Variants in EPHB2 observed in about 807,000 individuals in gnomAD.
EPHB2 encodes the protein ephrin type-B receptor 2.
Under a neutral mutation model 96.4 loss-of-function variants are expected in EPHB2, and 18 were observed. That is an observed-to-expected ratio of 0.19 (90% CI 0.13 to 0.28). The LOEUF (loss-of-function observed/expected upper bound fraction) is 0.28. Ranked by LOEUF, EPHB2 falls within the 10% of genes least tolerant of loss-of-function variation. The pLI, the probability that EPHB2 is intolerant of heterozygous loss-of-function variation, is 1.00. For synonymous variants in EPHB2, 506 were observed against 534.1 expected (o/e 0.95, Z 0.72); for missense variants, 989 against 1,355.4 (o/e 0.73, Z 4.25).
rs1640161438 is a variant in EPHB2, at chr1:22,913,119, G to A, written c.2853-343G>A. ...GAGGCAGGGGAATTGCTTGAACCAA[G>A]GAGGTAGAGGTTGCAGTGAGCTGAG... On this transcript the variant is annotated intron_variant, in intron 15 of 15. Transcript: ENST00000374630. The surrounding 1 kb of genome is among the most constrained non-coding windows in gnomAD (Gnocchi z 4.1). The A allele has an allele frequency of 1.0e-5, 4 of 386,288 alleles. No individual in the cohort carries two copies. The highest frequency in any genetic ancestry group is 2.0e-5 in the Non-Finnish European group (4 of 202,888). The allele number at this position is 386,288 out of a possible 1,614,324, so 23.9% of individuals were successfully genotyped here. A position where few individuals can be genotyped will look rare whatever the true frequency, so the allele number is the denominator to read the frequency against.
At chr1:22,731,833 C>T (rs977183836) in intron 1 of EPHB2, among the ~76,000 whole-genome samples, 2 of 152,218 alleles carry the variant, frequency 1.3e-5, no homozygotes, top group Admixed American at 6.5e-5. Context: ...GAGCAAGATT[C>T]CATCTCAAAC....
intron 6 of EPHB2, 65 bp downstream of exon 6, chr1:22,882,548 G>T: frequency 6.2e-7 from 1 of 1,605,808 alleles, no homozygotes; most frequent in Admixed American, 1.7e-5. Flanking sequence ...CCAGGCTGAG[G>T]CCTGGGAGTT....
rs185813300 is a variant in EPHB2 at position 22,880,284 on chromosome 1, C to G, written c.1304-2075C>G. On this transcript the variant is annotated intron_variant, in intron 5 of 15. Transcript: ENST00000374630. Reference sequence around the variant, plus strand: ...GCCTTCAAACCCCACAGCTGATGTTCAGGTTCCCCTGAACTCCTACCAGGC... The same window carrying G: ...GCCTTCAAACCCCACAGCTGATGTTGAGGTTCCCCTGAACTCCTACCAGGC... 6.1e-3 allele frequency among the ~76,000 whole-genome samples: 930 copies of G among 152,306 alleles called. 5 individuals carry two copies. Among genetic ancestry groups the G allele is most frequent in the African/African-American group, 0.02 (847 of 41,564 alleles).
chr1:22,739,681 A>T (rs1376643522), intron 1 of EPHB2, among the ~76,000 whole-genome samples: 3 of 152,230 alleles, frequency 2.0e-5, no homozygotes, highest in Non-Finnish European at 4.4e-5. Context: ...ATGGATGATC[A>T]GACCCATCCC....
At chr1:22,837,132 A>G (rs1459536004) in intron 3 of EPHB2, among the ~76,000 whole-genome samples, 2 of 152,176 alleles carry the variant, frequency 1.3e-5, no homozygotes, top group Non-Finnish European at 2.9e-5. Flanking sequence ...AACGTCAGGG[A>G]TGGGAGAGCT....
chr1:22,718,379 CTTTTTT>C (rs5773014), intron 1 of EPHB2, among the ~76,000 whole-genome samples: 1 of 81,466 alleles, frequency 1.2e-5, no homozygotes, highest in Non-Finnish European at 2.4e-5. Context: ...GCTGTCAATT[CTTTTTT>C]TTTTTTTTTT....
At chr1:22,821,933 A>G (rs1201488910) in intron 3 of EPHB2, among the ~76,000 whole-genome samples, 6 of 152,156 alleles carry the variant, frequency 3.9e-5, no homozygotes, top group African/African-American at 1.2e-4. Flanking sequence ...TCAGCATATG[A>G]GGCTCCGGTG....
At chr1:22,892,446 TGGGTCAATAG>T (rs1639418554) in intron 6 of EPHB2, among the ~76,000 whole-genome samples, 2 of 152,234 alleles carry the variant, frequency 1.3e-5, no homozygotes, top group Admixed American at 1.3e-4. Flanking sequence ...TTTATGTCTG[TGGGTCAATAG>T]GGGTGGCCCT....
chr1:22,726,313 G>A (rs1345527309), intron 1 of EPHB2, among the ~76,000 whole-genome samples: 1 of 151,592 alleles, frequency 6.6e-6, no homozygotes, highest in Non-Finnish European at 1.5e-5. Context: ...GATCATAGCA[G>A]CCTCCACCGT....
At chr1:22,891,876 C>G (rs1414746848) in intron 6 of EPHB2, among the ~76,000 whole-genome samples, 2 of 151,338 alleles carry the variant, frequency 1.3e-5, no homozygotes, top group Non-Finnish European at 2.9e-5. Flanking sequence ...CTTACTGTGG[C>G]CTTGACCTCC....
At chr1:22,881,177 G>A (rs1233929746) in intron 5 of EPHB2, among the ~76,000 whole-genome samples, 1 of 152,198 alleles carries the variant, frequency 6.6e-6, no homozygotes, top group East Asian at 1.9e-4. Context: ...GAGGCAGGCA[G>A]ATCACCTGAG....
At chr1:22,880,002 G>A (rs1157721282) in intron 5 of EPHB2, among the ~76,000 whole-genome samples, 9 of 152,192 alleles carry the variant, frequency 5.9e-5, no homozygotes, top group Admixed American at 1.3e-4. Context: ...CTTGGGGTGC[G>A]GGAGGGGAGT....
intron 3 of EPHB2, among the ~76,000 whole-genome samples, chr1:22,802,685 C>T (rs1307171079): frequency 1.3e-5 from 2 of 152,008 alleles, no homozygotes; most frequent in Non-Finnish European, 2.9e-5. Flanking sequence ...CCCTGGACCT[C>T]CTGAGTGATG....
At chr1:22,796,066 A>T (rs944532821) in intron 3 of EPHB2, among the ~76,000 whole-genome samples, 19 of 152,178 alleles carry the variant, frequency 1.2e-4, no homozygotes, top group African/African-American at 4.3e-4. Context: ...ACAAGTATTT[A>T]TTGAGCACCT....
At position 22,907,989 on chromosome 1, in the gene EPHB2, G is replaced by A; in HGVS notation, c.2173G>A (p.Gly725Ser). Reference sequence around the variant, plus strand: ...GCAGTTCACAGTCATCCAGCTGGTGGGCATGCTTCGGGGCATCGCAGCTGG... The same window carrying A: ...GCAGTTCACAGTCATCCAGCTGGTGAGCATGCTTCGGGGCATCGCAGCTGG... Reference protein sequence around the residue: ...DGQFTVIQLVGMLRGIAAGMK... With the variant: ...DGQFTVIQLVSMLRGIAAGMK... Residue 725 changes from glycine (G) to serine (S), a missense_variant, in exon 12 of 16, where the codon GGC becomes AGC. Transcript: ENST00000374630. 8 of 1,614,244 alleles carry A rather than the reference G, an allele frequency of 5.0e-6. No individual in the cohort carries two copies. The highest frequency in any genetic ancestry group is 6.8e-6 in the Non-Finnish European group (8 of 1,180,044).
intron 3 of EPHB2, among the ~76,000 whole-genome samples, chr1:22,793,852 A>G (rs1644731371): frequency 6.6e-6 from 1 of 152,122 alleles, no homozygotes; most frequent in Non-Finnish European, 1.5e-5. Flanking sequence ...CCACACAGCC[A>G]CTAAGTAGCC....
chr1:22,810,294 C>T (rs1024370174), intron 3 of EPHB2, among the ~76,000 whole-genome samples: 1 of 152,144 alleles, frequency 6.6e-6, no homozygotes, highest in East Asian at 1.9e-4. Context: ...GCCCTGGGCT[C>T]GGCCAGGGGT....
At chr1:22,744,399 CAT>C (rs1643940750) in intron 1 of EPHB2, among the ~76,000 whole-genome samples, 1 of 151,202 alleles carries the variant, frequency 6.6e-6, no homozygotes, top group African/African-American at 2.4e-5. Context: ...TTACTGATAA[CAT>C]AGTCAACTAA....
intron 3 of EPHB2, among the ~76,000 whole-genome samples, chr1:22,840,611 C>A (rs1645452093): frequency 6.6e-6 from 1 of 152,188 alleles, no homozygotes; most frequent in Admixed American, 6.5e-5. Flanking sequence ...CAGGCACACA[C>A]AACCACGCCT....
Sources: gnomAD v4.1 joint callset for allele counts (sites outside exome capture counted in the v4.1 genomes callset) on GRCh38, gnomAD v4.1.1 for gene constraint, Gnocchi (gnomAD v3.1) non-coding constraint, MANE v1.5 for transcripts, NCBI Gene and HGNC (gene_info 2026-07-23, HGNC 2026-07-21) for gene names.